PDE12: variants seen among roughly 807,000 people sequenced by gnomAD.
PDE12 encodes the protein phosphodiesterase 12.
In PDE12, 26 loss-of-function variants were observed where a neutral mutation model predicts 45.4. The observed-to-expected ratio is 0.57, with a 90% CI of 0.42 to 0.79. PDE12 has a LOEUF of 0.79. Among genes scored for constraint, PDE12 ranks in the 30% least tolerant of loss-of-function variants. The probability of loss-of-function intolerance (pLI) is 0.00; values close to 1 mark genes in which losing one functional copy is unlikely to be tolerated. For synonymous variants in PDE12, 283 were observed against 323.9 expected (o/e 0.87, Z 1.36); for missense variants, 668 against 790.0 (o/e 0.85, Z 1.85).
the PDE12 span, among the ~76,000 whole-genome samples, chr3:57,578,429 C>T: frequency 7.5e-6 from 1 of 133,424 alleles, no homozygotes; most frequent in Non-Finnish European, 1.7e-5. Context: ...TTTACCTGAT[C>T]GAGTAAGACA....
At chr3:57,607,633 G>C in the PDE12 span, among the ~76,000 whole-genome samples, 1 of 152,032 alleles carries the variant, frequency 6.6e-6, no homozygotes, top group East Asian at 1.9e-4. Flanking sequence ...TGGAAGAAAG[G>C]GTATCAGTAA....
At chr3:57,607,010 T>TAGG in the PDE12 span, among the ~76,000 whole-genome samples, 1 of 152,268 alleles carries the variant, frequency 6.6e-6, no homozygotes, top group Non-Finnish European at 1.5e-5. Flanking sequence ...AGGGGCAGAC[T>TAGG]GACACCCCAC....
the PDE12 span, chr3:57,630,207 ACACAC>A: frequency 2.1e-6 from 1 of 469,040 alleles, no homozygotes; most frequent in Non-Finnish European, 3.6e-6. Context: ...GCAGTTCATA[ACACAC>A]CTACCTCAAA....
At chr3:57,572,594 C>T in the PDE12 span, among the ~76,000 whole-genome samples, 9 of 152,182 alleles carry the variant, frequency 5.9e-5, no homozygotes, top group South Asian at 2.1e-4. Flanking sequence ...AATAAAGCCA[C>T]TTCTACCTAT....
chr3:57,570,233 T>TTTTC (rs1406719423), downstream of PDE12, among the ~76,000 whole-genome samples: 1 of 146,642 alleles, frequency 6.8e-6, no homozygotes, highest in Non-Finnish European at 1.5e-5. Context: ...TTTTTTTTTT[T>TTTTC]TTTTTTGGAG....
At chr3:57,559,203 AGAGT>A in intron 1 of PDE12, 103 bp from the exon 2 acceptor site, 1 of 873,044 alleles carries the variant, frequency 1.1e-6, no homozygotes, top group Non-Finnish European at 1.8e-6. Flanking sequence ...CCTGGTTGAC[AGAGT>A]GAGACTGTCT....
the PDE12 span, among the ~76,000 whole-genome samples, chr3:57,644,802 T>A: frequency 0.091 from 112 of 1,234 alleles, no homozygotes; most frequent in African/African-American, 0.14. Context: ...AGGGGAGGGG[T>A]GGGGAGGGGA....
chr3:57,568,143 A>T (rs569481575), downstream of PDE12, among the ~76,000 whole-genome samples: 1 of 151,306 alleles, frequency 6.6e-6, no homozygotes, highest in Admixed American at 6.6e-5. Context: ...TCAAACCTCC[A>T]TGACAAAGAA....
chr3:57,629,225 A>G, the PDE12 span, among the ~76,000 whole-genome samples: 1 of 152,228 alleles, frequency 6.6e-6, no homozygotes, highest in Admixed American at 6.5e-5. Context: ...AAGGAACATT[A>G]GTTAACAAAT....
chr3:57,604,081 G>C, the PDE12 span, among the ~76,000 whole-genome samples: 1 of 151,654 alleles, frequency 6.6e-6, no homozygotes, highest in African/African-American at 2.4e-5. Context: ...CTGCCACCAC[G>C]CCTGGCTAAT....
chr3:57,598,845 A>T, the PDE12 span, among the ~76,000 whole-genome samples: 1 of 152,168 alleles, frequency 6.6e-6, no homozygotes, highest in Admixed American at 6.5e-5. Context: ...CCTCCTTTGC[A>T]TTGGAGATAC....
At chr3:57,579,973 T>C in the PDE12 span, among the ~76,000 whole-genome samples, 254 of 152,104 alleles carry the variant, frequency 1.7e-3, no homozygotes, top group African/African-American at 5.7e-3. Context: ...TGGTGGCACA[T>C]GTCTATAGTC....
the PDE12 span, among the ~76,000 whole-genome samples, chr3:57,636,552 C>T: frequency 2.6e-4 from 39 of 152,166 alleles, no homozygotes; most frequent in East Asian, 2.9e-3. Flanking sequence ...CAAGATACTA[C>T]GGAGACACAG....
the PDE12 span, among the ~76,000 whole-genome samples, chr3:57,578,729 T>G: frequency 1.8e-4 from 28 of 152,242 alleles, no homozygotes; most frequent in South Asian, 6.2e-4. Flanking sequence ...TCCACCCATC[T>G]TGGCCTCCCA....
chr3:57,609,977 A>C, the PDE12 span, among the ~76,000 whole-genome samples: 1 of 152,174 alleles, frequency 6.6e-6, no homozygotes, highest in Non-Finnish European at 1.5e-5. Flanking sequence ...TCAATGCAAA[A>C]ATTCTCAATA....
the PDE12 span, chr3:57,597,911 T>C: frequency 6.6e-6 from 1 of 152,178 alleles, no homozygotes; most frequent in Non-Finnish European, 1.5e-5. Context: ...AGCTGACTTG[T>C]GGGCCGAGAA....
At position 57,562,014 on chromosome 3, in the gene PDE12, T is replaced by C. The variant is rs2153407633; in HGVS notation, c.*2010T>C. 8.1e-6 allele frequency: 8 copies of C among 982,080 alleles called. No homozygotes were observed. Among genetic ancestry groups the C allele is most frequent in the Non-Finnish European group, 9.7e-6 (8 of 826,868 alleles). The allele number at this position is 982,080 out of a possible 1,614,324, so 60.8% of individuals were successfully genotyped here. A position where few individuals can be genotyped will look rare whatever the true frequency, so the allele number is the denominator to read the frequency against. On this transcript the variant is annotated 3_prime_UTR_variant, in exon 3 of 3. Coordinates refer to ENST00000311180, the MANE Select transcript of PDE12 (RefSeq NM_177966.7). ...ATTTTAACAGCAGTTTACAAATATGTAAATAATAGATTAAAACCAAATCTT... is the reference window on the plus strand; with the variant it reads ...ATTTTAACAGCAGTTTACAAATATGCAAATAATAGATTAAAACCAAATCTT...
the PDE12 span, among the ~76,000 whole-genome samples, chr3:57,588,653 AGACCAGCCT>A: frequency 1.1e-4 from 16 of 147,170 alleles, no homozygotes; most frequent in Non-Finnish European, 1.6e-4. Context: ...CAGGAGTCAG[AGACCAGCCT>A]GACCAACATG....
At chr3:57,618,624 T>TTTTTTTGGGGATGGAG in the PDE12 span, among the ~76,000 whole-genome samples, 1 of 140,976 alleles carries the variant, frequency 7.1e-6, no homozygotes, top group Non-Finnish European at 1.6e-5. Context: ...TTTTTTTTTT[T>TTTTTTTGGGGATGGAG]TTTGAGATGG....
Sources: allele counts gnomAD v4.1 joint callset (sites outside exome capture counted in the v4.1 genomes callset), GRCh38; gene constraint gnomAD v4.1.1; transcripts MANE v1.5; gene names NCBI Gene and HGNC (gene_info 2026-07-23, HGNC 2026-07-21).